The following CDKL5 variants were observed in gnomAD, a reference collection of about 807,000 sequenced individuals.
CDKL5 encodes cyclin-dependent kinase-like 5.
CDKL5 carries 8 observed loss-of-function variants against 61.7 expected under a neutral mutation model. The observed-to-expected ratio is 0.13, with a 90% confidence interval of 0.08 to 0.23. The LOEUF (loss-of-function observed/expected upper bound fraction) is 0.23, where lower values mean the gene tolerates loss of function less well. Among genes scored for constraint, CDKL5 ranks in the 10% least tolerant of loss-of-function variants. The pLI is 1.00. For synonymous variants in CDKL5, 275 were observed against 272.3 expected, an observed-to-expected ratio of 1.01 and a Z score of -0.10; for missense variants, 440 against 734.5, an observed-to-expected ratio of 0.60 and a Z score of 4.63.
Position 18,593,288 on chromosome X carries a change from G to A in CDKL5, c.745-2060G>A, listed in dbSNP as rs1444844514. On this transcript the variant is annotated intron_variant, in intron 9 of 17. Coordinates refer to ENST00000623535, the MANE Select transcript of CDKL5 (RefSeq NM_001323289.2). ...TTAGAATGGTAGGTCTCACTCAAAC[G>A]CATGTAAATTAATTCTTTGAAGTTA... Among the ~76,000 whole-genome samples, 4 of 111,785 alleles carry A rather than the reference G, an allele frequency of 3.6e-5. No individual in the cohort carries two copies. The Admixed American group carries it at 3.8e-4, about 11-fold the overall frequency.
intron 10 of CDKL5, among the ~76,000 whole-genome samples, chrX:18,597,591 ATTTTTTTTTTT>A (rs58993237): frequency 6.9e-5 from 5 of 72,820 alleles, no homozygotes; most frequent in East Asian, 5.1e-4. Flanking sequence ...CTACAGAATG[ATTTTTTTTTTT>A]TTTTTTTTTT....
At chrX:18,535,758 TCATTTAAGAG>T (rs1923803461) in intron 3 of CDKL5, 1 of 138,213 alleles carries the variant, frequency 7.2e-6, no homozygotes, top group African/African-American at 3.2e-5. Context: ...ATTCAGTGTC[TCATTTAAGAG>T]CATTTAAGGA....
Position 18,588,012 on chromosome X carries a change from A to T in CDKL5, c.613A>T (p.Ser205Cys). ...WSVGCILGELSDGQPLFPGES... is the reference protein window; with the variant it reads ...WSVGCILGELCDGQPLFPGES... ...GGTGGGCTGTATTCTTGGGGAGCTT[A>T]GCGATGGACAGCCTTTATTTCCTGG... The change falls in exon 9 of 18, where the codon AGC becomes TGC. Residue 205 changes from serine (S) to cysteine (C), a missense_variant. By Grantham distance (112) the Ser-to-Cys change is moderately radical (BLOSUM62 -1). Coordinates refer to ENST00000623535, the MANE Select transcript of CDKL5 (RefSeq NM_001323289.2). 1 of 1,210,161 alleles carries T rather than the reference A, an allele frequency of 8.3e-7. No homozygotes were observed. Among genetic ancestry groups the T allele is most frequent in the East Asian group, 3.0e-5 (1 of 33,833 alleles).
intron 1 of CDKL5, among the ~76,000 whole-genome samples, chrX:18,454,742 G>A (rs1932102715): frequency 9.1e-6 from 1 of 109,746 alleles, no homozygotes; most frequent in Non-Finnish European, 1.9e-5. Context: ...TTTTAGTAGA[G>A]ATGAGGTTTC....
chrX:18,487,529 C>T (rs999559732), intron 1 of CDKL5, among the ~76,000 whole-genome samples: 5 of 112,803 alleles, frequency 4.4e-5, no homozygotes, highest in Non-Finnish European at 9.4e-5. Context: ...GAACTCCAGG[C>T]CTTAAACAGC....
In CDKL5 at chrX:18,598,620, A is replaced by G. The variant is rs770011012; in HGVS notation, c.977+7A>G. On this transcript the variant is annotated splice_region_variant and intron_variant, in intron 11 of 17. Coordinates refer to ENST00000623535, the MANE Select transcript of CDKL5 (RefSeq NM_001323289.2). ...GCAGCACATTGTCTAATAGGTAAAT[A>G]TTCCCTTTTAAGGAAATACAGATGC... 4.1e-6 allele frequency: 5 copies of G among 1,205,644 alleles called. No homozygotes were observed. The South Asian group carries it at 8.8e-5, about 21-fold the overall frequency.
intron 1 of CDKL5, among the ~76,000 whole-genome samples, chrX:18,492,806 A>G (rs1178988698): frequency 8.9e-6 from 1 of 112,244 alleles, no homozygotes; most frequent in Non-Finnish European, 1.9e-5. Flanking sequence ...CCAGGTACTG[A>G]GCCATTCTCT....
At chrX:18,430,645 G>A (rs1422934646) in intron 1 of CDKL5, among the ~76,000 whole-genome samples, 1 of 109,607 alleles carries the variant, frequency 9.1e-6, no homozygotes, top group Admixed American at 9.8e-5. Context: ...GAGTTTCACC[G>A]TGTTGCCCAG....
At chrX:18,553,452 TTGTGTG>T (rs1308797573) in intron 3 of CDKL5, among the ~76,000 whole-genome samples, 1 of 102,372 alleles carries the variant, frequency 9.8e-6, no homozygotes, top group African/African-American at 3.7e-5. Context: ...TTGAAGGCAG[TTGTGTG>T]TGTGTGCGTG....
At chrX:18,553,465 CGT>C (rs201802099) in intron 3 of CDKL5, among the ~76,000 whole-genome samples, 2,261 of 90,265 alleles carry the variant, frequency 0.025, 25 homozygotes, top group Middle Eastern at 0.036. Flanking sequence ...TGTGTGTGTG[CGT>C]GTGTGTGTGT....
chrX:18,511,408 A>G (rs1922822627), intron 3 of CDKL5, among the ~76,000 whole-genome samples: 1 of 110,190 alleles, frequency 9.1e-6, no homozygotes. Flanking sequence ...CAACTGACCT[A>G]TGCCGTGCAC....
At chrX:18,438,769 G>C (rs1185280222) in intron 1 of CDKL5, among the ~76,000 whole-genome samples, 1 of 90,996 alleles carries the variant, frequency 1.1e-5, no homozygotes, top group African/African-American at 4.2e-5. Flanking sequence ...CAGCCTGGGC[G>C]ACAGAGCGAA....
rs1326629706 is a variant in CDKL5, at chrX:18,633,977, G to C, written c.*5220G>C. On this transcript the variant is annotated 3_prime_UTR_variant, in exon 18 of 18. Transcript: ENST00000623535. ...TGTCTCATTTTGCCAGAAAAAAATTGTAATAGTCGGCACGCTGGATTTGTA... is the reference window on the plus strand; with the variant it reads ...TGTCTCATTTTGCCAGAAAAAAATTCTAATAGTCGGCACGCTGGATTTGTA... The C allele has an allele frequency of 4.0e-6, 3 of 752,210 alleles. No individual in the cohort carries two copies. Among genetic ancestry groups the C allele is most frequent in the Non-Finnish European group, 4.7e-6 (3 of 639,031 alleles). The allele number at this position is 752,210 out of a possible 1,213,427, so 62.0% of individuals were successfully genotyped here. A position where few individuals can be genotyped will look rare whatever the true frequency, so the allele number is the denominator to read the frequency against.
rs139148711 is a variant in CDKL5 at position 18,495,076 on chromosome X, T to C, written c.-162-11859T>C. ...TGTATGTGGATCTTGAGTTTTAAGA[T>C]GCTTTCCAACCATTTGAACTCTCTT... On this transcript the variant is annotated intron_variant, in intron 1 of 17. Transcript: ENST00000623535. 4.4e-3 allele frequency among the ~76,000 whole-genome samples: 498 copies of C among 112,444 alleles called. 4 individuals carry two copies. Among genetic ancestry groups the C allele is most frequent in the African/African-American group, 0.015 (452 of 30,997 alleles).
intron 1 of CDKL5, among the ~76,000 whole-genome samples, chrX:18,454,183 A>G (rs1321770366): frequency 2.7e-5 from 3 of 111,828 alleles, no homozygotes; most frequent in Non-Finnish European, 5.6e-5. Context: ...AGCTCTAAGC[A>G]ATCAAATACG....
At chrX:18,580,108 C>T in intron 6 of CDKL5, 140 bp downstream of exon 6, 1 of 521,081 alleles carries the variant, frequency 1.9e-6, no homozygotes, top group Non-Finnish European at 3.2e-6. Context: ...AAGTGCAAGA[C>T]ATGAGAAATA....
chrX:18,642,173 A>G, downstream of CDKL5: 1 of 1,207,672 alleles, frequency 8.3e-7, no homozygotes, highest in Non-Finnish European at 1.1e-6. Context: ...AGATAGAGGA[A>G]ATCCTGTCAC....
chrX:18,485,664 A>G (rs779116106), intron 1 of CDKL5, among the ~76,000 whole-genome samples: 1 of 112,011 alleles, frequency 8.9e-6, no homozygotes, highest in Admixed American at 9.5e-5. Context: ...GGAAAGCAGG[A>G]CCAAGGATCA....
At chrX:18,462,992 C>T (rs1366551491) in intron 1 of CDKL5, among the ~76,000 whole-genome samples, 1 of 110,333 alleles carries the variant, frequency 9.1e-6, no homozygotes, top group African/African-American at 3.3e-5. Flanking sequence ...CCACTGCACT[C>T]CAGCCTGGGT....
Sources: allele counts gnomAD v4.1 joint callset (sites outside exome capture counted in the v4.1 genomes callset), GRCh38; gene constraint gnomAD v4.1.1; transcripts MANE v1.5; gene names NCBI Gene and HGNC (gene_info 2026-07-23, HGNC 2026-07-21).